Variants in IQCN observed in about 807,000 individuals in gnomAD.
IQCN encodes the protein IQ motif containing N, also known as IQ domain-containing protein N.
In IQCN, 46 loss-of-function variants were observed where a neutral mutation model predicts 64.4. The ratio of observed to expected loss-of-function variants is 0.71; its 90% CI spans 0.56 to 0.91. The LOEUF (loss-of-function observed/expected upper bound fraction) is 0.91, where lower values mean the gene tolerates loss of function less well. Among genes scored for constraint, IQCN ranks in the 40% least tolerant of loss-of-function variants. The probability of loss-of-function intolerance (pLI) is 0.00; values close to 1 mark genes in which losing one functional copy is unlikely to be tolerated. For synonymous variants in IQCN, 733 were observed against 775.6 expected, an observed-to-expected ratio of 0.95 and a Z score of 0.91; for missense variants, 1,753 against 1,857.4, an observed-to-expected ratio of 0.94 and a Z score of 1.03.
At chr19:18,270,654 A>C (rs552343918) in intron 1 of IQCN, among the ~76,000 whole-genome samples, 14 of 151,898 alleles carry the variant, frequency 9.2e-5, no homozygotes, top group Admixed American at 9.2e-4. Flanking sequence ...ATGAGACCCT[A>C]TCTCTTTTTT....
intron 1 of IQCN, 76 bp downstream of exon 1, chr19:18,274,327 T>A (rs1028688906): frequency 2.6e-5 from 4 of 151,910 alleles, no homozygotes; most frequent in African/African-American, 9.7e-5. Flanking sequence ...AAACAAGTCC[T>A]CCACCAGCCC....
In IQCN at chr19:18,266,766, C is replaced by G; in HGVS notation, c.774G>C (p.Gln258His). 6.2e-7 allele frequency: 1 copy of G among 1,614,182 alleles called. No individual in the cohort carries two copies. Among genetic ancestry groups the G allele is most frequent in the Non-Finnish European group, 8.5e-7 (1 of 1,180,028 alleles). The change falls in exon 3 of 4, where the codon CAG (glutamine) becomes CAC (histidine). Residue 258 changes from glutamine (Q) to histidine (H), a missense_variant. Coordinates refer to ENST00000392413, the MANE Select transcript of IQCN (RefSeq NM_001145304.2). The surrounding 1 kb of genome is among the most constrained non-coding windows in gnomAD (Gnocchi z 4.3). ...PCPVSLDAKC[Q>H]PCLLTRTIRS... Reference sequence around the variant, plus strand: ...TGATGGTTCTGGTCAGCAGGCATGGCTGGCATTTTGCGTCCAGACTCACTG... The same window carrying G: ...TGATGGTTCTGGTCAGCAGGCATGGGTGGCATTTTGCGTCCAGACTCACTG...
chr19:18,264,913 A>G lies in IQCN; in HGVS notation c.2627T>C (p.Leu876Pro). 5.0e-6 allele frequency: 8 copies of G among 1,613,372 alleles called. No individual in the cohort carries two copies. Among genetic ancestry groups the G allele is most frequent in the Non-Finnish European group, 6.8e-6 (8 of 1,179,978 alleles). Residue 876 changes from leucine (L) to proline (P), a missense_variant, in exon 3 of 4, where the codon CTG (leucine) becomes CCG (proline). By Grantham distance (98) the Leu-to-Pro change is moderately conservative. Coordinates refer to ENST00000392413, the MANE Select transcript of IQCN (RefSeq NM_001145304.2). The surrounding 1 kb of genome is among the most constrained non-coding windows in gnomAD (Gnocchi z 4.3). ...TACTTCAGCACACAAGGAGGCCAGC[A>G]GGGAGCCTACCGTGTCCTCCTGGCA... The part of the protein sequence containing the change: ...VPCQEDTVGS[L>P]LASLCAEVAG...
chr19:18,266,301 G>C lies in IQCN; in HGVS notation c.1239C>G (p.Gly413=), dbSNP rs1233534614. The change falls in exon 3 of 4, where the codon GGC becomes GGG. Residue 413 remains glycine (G), a synonymous_variant. Coordinates refer to ENST00000392413, the MANE Select transcript of IQCN (RefSeq NM_001145304.2). The surrounding 1 kb of genome is among the most constrained non-coding windows in gnomAD (Gnocchi z 4.3). ...IQVHPTASRT[G]TPRQTCPATI... ...TCGCAGGGCATGTCTGCCGTGGGGT[G>C]CCAGTTCTGGAGGCTGTGGGGTGTA... is the stretch of plus-strand genomic sequence containing the variant. 1.2e-6 allele frequency: 2 copies of C among 1,613,498 alleles called. No homozygotes were observed. Among genetic ancestry groups the C allele is most frequent in the Non-Finnish European group, 8.5e-7 (1 of 1,179,758 alleles).
Position 18,266,003 on chromosome 19 carries a change from T to C in IQCN, c.1537A>G (p.Thr513Ala), listed in dbSNP as rs756189447. The change falls in exon 3 of 4, where the codon ACC (threonine) becomes GCC (alanine). Residue 513 changes from threonine (T) to alanine (A), a missense_variant. Coordinates refer to ENST00000392413, the MANE Select transcript of IQCN (RefSeq NM_001145304.2). This position sits in a 1 kb window ranked among gnomAD's most constrained non-coding sequence, Gnocchi z 4.3. ...KTPAQLRSVA[T>A]ILKTLCLASP... Reference sequence around the variant, plus strand: ...GCCAGACACAGAGTCTTGAGGATGGTGGCCACCGAGCGTAACTGGGCTGGG... The same window carrying C: ...GCCAGACACAGAGTCTTGAGGATGGCGGCCACCGAGCGTAACTGGGCTGGG... The C allele has an allele frequency of 5.0e-6, 8 of 1,614,000 alleles. No homozygotes were observed. In the South Asian group the frequency reaches 6.6e-5, roughly 13 times the overall value.
intron 1 of IQCN, among the ~76,000 whole-genome samples, chr19:18,272,718 C>T (rs1969762576): frequency 6.6e-6 from 1 of 150,740 alleles, no homozygotes; most frequent in Non-Finnish European, 1.5e-5. Flanking sequence ...TCACGCCATT[C>T]TCCTGCCTCA....
rs762295631 is a variant in IQCN, at chr19:18,264,843, G to A, written c.2697C>T (p.Ala899=). 1.3e-6 allele frequency: 2 copies of A among 1,588,552 alleles called. No homozygotes were observed. Among genetic ancestry groups the A allele is most frequent in the South Asian group, 1.1e-5 (1 of 88,210 alleles). Residue 899 remains alanine (A), a synonymous_variant, in exon 3 of 4, where the codon GCC becomes GCT. Transcript: ENST00000392413. The surrounding 1 kb of genome is among the most constrained non-coding windows in gnomAD (Gnocchi z 4.3). ...ASQEDLRTLL[A]KALSQGEVWA... ...AGACTTCTCCCTGGGAGAGGGCTTT[G>A]GCCAACAGAGTGCGGAGATCCTCCT... is the stretch of plus-strand genomic sequence containing the variant.
rs200108547 is a variant in IQCN, at chr19:18,257,715, G to A, written c.3569C>T (p.Thr1190Met). The change falls in exon 4 of 4, where the codon ACG becomes ATG. Residue 1190 changes from threonine (T) to methionine (M), a missense_variant. Transcript: ENST00000392413. ...ARHWQMLHPVTWVELGSRAGV... is the reference protein window; with the variant it reads ...ARHWQMLHPVMWVELGSRAGV... The stretch of plus-strand genomic sequence containing the variant: ...GGCCCGGCTGCCCAGCTCCACCCAC[G>A]TGACGGGGTGGAGCATCTGCCAGTG... The A allele has an allele frequency of 6.8e-6, 11 of 1,608,384 alleles. No individual in the cohort carries two copies. The highest frequency in any genetic ancestry group is 2.7e-5 in the African/African-American group (2 of 75,000).
At chr19:18,272,851 T>C (rs941339124) in intron 1 of IQCN, among the ~76,000 whole-genome samples, 2 of 147,620 alleles carry the variant, frequency 1.4e-5, no homozygotes, top group East Asian at 2.1e-4. Context: ...ACCTCGTGAT[T>C]CGCCCACCTC....
chr19:18,263,634 C>T (rs1030670680), intron 3 of IQCN, among the ~76,000 whole-genome samples: 3 of 152,082 alleles, frequency 2.0e-5, no homozygotes, highest in African/African-American at 4.8e-5. Flanking sequence ...GGCCTGTTTG[C>T]GATTTGGGGG....
In IQCN at chr19:18,257,689, C is replaced by A; in HGVS notation, c.3595G>T (p.Gly1199Trp). 6.2e-7 allele frequency: 1 copy of A among 1,604,280 alleles called. No homozygotes were observed. The highest frequency in any genetic ancestry group is 1.3e-5 in the African/African-American group (1 of 74,934). Reference sequence around the variant, plus strand: ...AACCAGCTTCGGTCAGACATGACCCCGGCCCGGCTGCCCAGCTCCACCCAC... The same window carrying A: ...AACCAGCTTCGGTCAGACATGACCCAGGCCCGGCTGCCCAGCTCCACCCAC... Reference protein sequence around the residue: ...VTWVELGSRAGVMSDRSWFQD... With the variant: ...VTWVELGSRAWVMSDRSWFQD... The change falls in exon 4 of 4, where the codon GGG (glycine) becomes TGG (tryptophan). Residue 1199 changes from glycine to tryptophan, a missense_variant. Physicochemically the swap from Gly to Trp is radical, Grantham distance 184. Coordinates refer to ENST00000392413, the MANE Select transcript of IQCN (RefSeq NM_001145304.2).
intron 2 of IQCN, 102 bp downstream of exon 2, chr19:18,269,364 C>T: frequency 8.2e-7 from 1 of 1,214,512 alleles, no homozygotes. Flanking sequence ...CACTGTCAAG[C>T]CACCCTGATG....
At chr19:18,268,217 T>TGTGTG (rs58772952) in intron 2 of IQCN, among the ~76,000 whole-genome samples, 19 of 132,698 alleles carry the variant, frequency 1.4e-4, no homozygotes, top group Admixed American at 2.4e-4. Flanking sequence ...TGTGTGTGTG[T>TGTGTG]TTGAAAAAGA....
At position 18,264,678 on chromosome 19, in the gene IQCN, C is replaced by G. The variant is rs1377806558; in HGVS notation, c.2862G>C (p.Leu954=). ...GTTCCGCCCGCAGCTCGCCCCGGGA[C>G]AGGGCTCGGGACAGGGTCAGGCGCA... ...SELRLTLSRA[L]SRGELRAELT... is the part of the protein sequence containing the mutation. The change falls in exon 3 of 4, where the codon CTG becomes CTC. Residue 954 remains leucine, a synonymous_variant. Coordinates refer to ENST00000392413, the MANE Select transcript of IQCN (RefSeq NM_001145304.2). This position sits in a 1 kb window ranked among gnomAD's most constrained non-coding sequence, Gnocchi z 4.3. 1.2e-5 allele frequency: 18 copies of G among 1,551,206 alleles called. No homozygotes were observed. Among genetic ancestry groups the G allele is most frequent in the Non-Finnish European group, 1.6e-5 (18 of 1,147,002 alleles).
At position 18,266,539 on chromosome 19, in the gene IQCN, A is replaced by T; in HGVS notation, c.1001T>A (p.Met334Lys). The T allele has an allele frequency of 6.2e-7, 1 of 1,612,126 alleles. No individual in the cohort carries two copies. Among genetic ancestry groups the T allele is most frequent in the Non-Finnish European group, 8.5e-7 (1 of 1,178,868 alleles). ...TGTCTGGAGTAGAGTCTTGGTGATC[A>T]TGGGCCCTGGACATATCTGGAAGGG... ...KAPFQICPGP[M>K]ITKTLLQTYP... Residue 334 changes from methionine to lysine, a missense_variant, in exon 3 of 4, where the codon ATG becomes AAG. Met to Lys is a moderately conservative substitution (Grantham distance 95). Coordinates refer to ENST00000392413, the MANE Select transcript of IQCN (RefSeq NM_001145304.2). This position sits in a 1 kb window ranked among gnomAD's most constrained non-coding sequence, Gnocchi z 4.3.
rs778651015 is a variant in IQCN at position 18,257,320 on chromosome 19, G to A, written c.3964C>T (p.Gln1322Ter). Residue 1322 changes from glutamine (Q) to a stop codon, truncating the protein, a stop_gained, in exon 4 of 4, where the codon CAG (glutamine) becomes TAG (stop). Transcript: ENST00000392413. LOFTEE classifies it low-confidence loss of function (END_TRUNC). The stretch of plus-strand genomic sequence containing the variant: ...ACTATCTTCGCTGCCATTTGCTGCT[G>A]CCTCATCTGCTGGCGGATCTTAAAG... The part of the protein sequence containing the change: ...RGFKIRQQMR[Q>*]QQMAAKIVQA... 6.2e-7 allele frequency: 1 copy of A among 1,613,452 alleles called. No homozygotes were observed. Among genetic ancestry groups the A allele is most frequent in the Admixed American group, 1.7e-5 (1 of 60,024 alleles).
intron 1 of IQCN, among the ~76,000 whole-genome samples, chr19:18,270,051 TAAAAAA>T (rs60981546): frequency 3.2e-4 from 24 of 75,860 alleles, no homozygotes; most frequent in African/African-American, 1.3e-3. Context: ...AACTGTCTCT[TAAAAAA>T]AAAAAAAAAA....
At position 18,266,919 on chromosome 19, in the gene IQCN, C is replaced by T. The variant is rs1414008174; in HGVS notation, c.621G>A (p.Ser207=). The T allele has an allele frequency of 3.1e-6, 5 of 1,607,238 alleles. No individual in the cohort carries two copies. The highest frequency in any genetic ancestry group is 1.3e-5 in the African/African-American group (1 of 74,870). ...CDNLVLCRPQ[S]SPLLQPPAAQ... is the part of the protein sequence containing the mutation. ...CTGCTGGGGGCTGCAGGAGGGGGGA[C>T]GACTGGGGTCTGCAGAGGACCAGAT... is the stretch of plus-strand genomic sequence containing the variant. Residue 207 remains serine (S), a synonymous_variant, in exon 3 of 4, where the codon TCG becomes TCA. Transcript: ENST00000392413. This position sits in a 1 kb window ranked among gnomAD's most constrained non-coding sequence, Gnocchi z 4.3.
At chr19:18,269,324 G>A in intron 2 of IQCN, 142 bp downstream of exon 2, 1 of 784,382 alleles carries the variant, frequency 1.3e-6, no homozygotes, top group Non-Finnish European at 2.2e-6. Context: ...GTGGCTTTCA[G>A]AAGTAACTAG....
Sources: gnomAD v4.1 joint callset for allele counts (sites outside exome capture counted in the v4.1 genomes callset) on GRCh38, gnomAD v4.1.1 for gene constraint, Gnocchi (gnomAD v3.1) non-coding constraint, MANE v1.5 for transcripts, NCBI Gene and HGNC (gene_info 2026-07-23, HGNC 2026-07-21) for gene names.